Variants in AGBL4 observed in about 807,000 individuals in gnomAD.
AGBL4 encodes the protein AGBL carboxypeptidase 4.
AGBL4 carries 58 observed loss-of-function variants against 66.4 expected under a neutral mutation model. That is an observed-to-expected ratio of 0.87 (90% CI 0.71 to 1.09). The LOEUF is 1.09. AGBL4 is among the 50% of genes least tolerant of loss of function. The pLI is 0.00. For missense variants in AGBL4, 579 were observed against 631.0 expected (o/e 0.92, Z 0.88); for synonymous variants, 234 against 222.9 (o/e 1.05, Z -0.44).
intron 1 of AGBL4, among the ~76,000 whole-genome samples, chr1:49,954,101 C>T (rs1001441792): frequency 1.3e-5 from 2 of 151,776 alleles, no homozygotes; most frequent in Non-Finnish European, 2.9e-5. Flanking sequence ...CACTATGTTA[C>T]ATATATTGGT....
intron 2 of AGBL4, among the ~76,000 whole-genome samples, chr1:49,757,330 AC>A (rs1651965056): frequency 6.6e-6 from 1 of 152,210 alleles, no homozygotes; most frequent in South Asian, 2.1e-4. Flanking sequence ...GTAAAAATGA[AC>A]TAATACAGTA....
intron 1 of AGBL4, among the ~76,000 whole-genome samples, chr1:49,920,568 G>C (rs1008017769): frequency 1.6e-4 from 25 of 152,040 alleles, no homozygotes; most frequent in Admixed American, 4.6e-4. Flanking sequence ...TTAGAATGGC[G>C]ATCATTAAAA....
chr1:48,734,867 A>G (rs911438921), intron 6 of AGBL4, among the ~76,000 whole-genome samples: 9 of 152,192 alleles, frequency 5.9e-5, no homozygotes, highest in Admixed American at 2.6e-4. Context: ...TGCTGAAAAC[A>G]TATGTGTTGA....
At chr1:49,568,640 T>TA (rs201675192) in intron 3 of AGBL4, among the ~76,000 whole-genome samples, 127 of 150,222 alleles carry the variant, frequency 8.5e-4, no homozygotes, top group East Asian at 5.9e-3. Flanking sequence ...TTCATAGAAC[T>TA]AAAAAAAAAC....
At chr1:49,552,155 C>T (rs1653009149) in intron 3 of AGBL4, among the ~76,000 whole-genome samples, 1 of 152,182 alleles carries the variant, frequency 6.6e-6, no homozygotes, top group South Asian at 2.1e-4. Context: ...TCCCACCGTG[C>T]CCTCACAACA....
At chr1:49,680,820 T>C (rs778417675) in intron 3 of AGBL4, among the ~76,000 whole-genome samples, 14 of 152,152 alleles carry the variant, frequency 9.2e-5, no homozygotes, top group Non-Finnish European at 7.4e-5. Context: ...CTTTCTCCTT[T>C]GCTTCTGGAA....
intron 1 of AGBL4, among the ~76,000 whole-genome samples, chr1:49,975,739 CTACCTCA>C (rs1658504512): frequency 6.6e-6 from 1 of 152,092 alleles, no homozygotes; most frequent in African/African-American, 2.4e-5. Context: ...AAGATAACAC[CTACCTCA>C]TAGGATCAAT....
At chr1:49,437,925 C>T (rs1284143158) in intron 3 of AGBL4, among the ~76,000 whole-genome samples, 1 of 152,058 alleles carries the variant, frequency 6.6e-6, no homozygotes, top group East Asian at 1.9e-4. Flanking sequence ...TACTGTTTCC[C>T]ATCCCCCATT....
chr1:49,032,326 A>G (rs1240719212), intron 5 of AGBL4, among the ~76,000 whole-genome samples: 1 of 152,198 alleles, frequency 6.6e-6, no homozygotes, highest in Non-Finnish European at 1.5e-5. Context: ...TGTAGTAGAA[A>G]AGACAAGTAT....
At chr1:49,641,722 T>A (rs2124407875) in intron 3 of AGBL4, among the ~76,000 whole-genome samples, 1 of 152,194 alleles carries the variant, frequency 6.6e-6, no homozygotes, top group South Asian at 2.1e-4. Flanking sequence ...CACATGACAT[T>A]TAACTTTTCA....
At chr1:48,939,010 T>A (rs11205575) in intron 5 of AGBL4, among the ~76,000 whole-genome samples, 36,186 of 152,054 alleles carry the variant, frequency 0.24, 5,196 homozygotes, top group African/African-American at 0.41. Context: ...AGAAAAATAC[T>A]TTGAAGTTGA....
At chr1:49,444,813 T>C (rs925907086) in intron 3 of AGBL4, among the ~76,000 whole-genome samples, 4 of 152,086 alleles carry the variant, frequency 2.6e-5, no homozygotes, top group African/African-American at 7.2e-5. Context: ...TTCTGTCATA[T>C]TGTTTTCTGC....
At chr1:49,878,429 T>A (rs374058614) in intron 1 of AGBL4, among the ~76,000 whole-genome samples, 1 of 151,706 alleles carries the variant, frequency 6.6e-6, no homozygotes, top group Non-Finnish European at 1.5e-5. Context: ...CCAGTAGTCA[T>A]TCAGGAGCAG....
chr1:49,600,440 T>A (rs1031278428), intron 3 of AGBL4, among the ~76,000 whole-genome samples: 2 of 152,160 alleles, frequency 1.3e-5, no homozygotes, highest in African/African-American at 4.8e-5. Context: ...AACTCCTGCA[T>A]TTTTTTGCTT....
intron 2 of AGBL4, among the ~76,000 whole-genome samples, chr1:49,762,886 T>C (rs1652446135): frequency 6.6e-6 from 1 of 152,218 alleles, no homozygotes; most frequent in South Asian, 2.1e-4. Context: ...CAGTTAGATA[T>C]AATCCCCATT....
At chr1:48,967,483 T>C (rs1658540964) in intron 5 of AGBL4, among the ~76,000 whole-genome samples, 2 of 152,204 alleles carry the variant, frequency 1.3e-5, no homozygotes, top group Admixed American at 6.5e-5. Context: ...TCTAATTTAG[T>C]AGAGCAGATA....
chr1:49,297,155 C>T (rs1044032171), intron 3 of AGBL4, among the ~76,000 whole-genome samples: 4 of 152,222 alleles, frequency 2.6e-5, no homozygotes, highest in Non-Finnish European at 5.9e-5. Context: ...ATTCCATTGT[C>T]TCACATCTGG....
intron 6 of AGBL4, among the ~76,000 whole-genome samples, chr1:48,850,447 G>A (rs957866899): frequency 3.3e-5 from 5 of 152,190 alleles, no homozygotes; most frequent in African/African-American, 1.2e-4. Flanking sequence ...CCAGACTCTT[G>A]TCTCAGGCCC....
At chr1:49,191,653 C>T (rs759847249) in intron 4 of AGBL4, among the ~76,000 whole-genome samples, 5 of 152,102 alleles carry the variant, frequency 3.3e-5, no homozygotes, top group African/African-American at 4.8e-5. Context: ...CTGCTGTTCC[C>T]GTTTTTATGT....
Sources: gnomAD v4.1 joint callset for allele counts (sites outside exome capture counted in the v4.1 genomes callset) on GRCh38, gnomAD v4.1.1 for gene constraint, MANE v1.5 for transcripts, NCBI Gene and HGNC (gene_info 2026-07-23, HGNC 2026-07-21) for gene names.